The following SLC2A9 variants were observed in gnomAD, a reference collection of about 807,000 sequenced individuals.
SLC2A9 encodes solute carrier family 2, facilitated glucose transporter member 9.
In SLC2A9, 39 loss-of-function variants were observed where a neutral mutation model predicts 50.6. The ratio of observed to expected loss-of-function variants is 0.77; its 90% CI spans 0.60 to 1.01. The LOEUF (loss-of-function observed/expected upper bound fraction) is 1.01, where lower values mean the gene tolerates loss of function less well. Among genes scored for constraint, SLC2A9 ranks in the 50% least tolerant of loss-of-function variants. SLC2A9 has a pLI of 0.00. For missense variants in SLC2A9, 686 were observed against 677.6 expected, an observed-to-expected ratio of 1.01 and a Z score of -0.14; for synonymous variants, 324 against 276.9, an observed-to-expected ratio of 1.17 and a Z score of -1.69.
rs567918331 is a variant in SLC2A9 at position 9,791,491 on chromosome 4, T to C, written n.386-11426A>G. On this transcript the variant is annotated intron_variant and non_coding_transcript_variant, in intron 3 of 3. Coordinates refer to the SLC2A9 transcript ENST00000503803. ...TGATGAGATTCTGAACTTTAGTTGATGCTGAAGGGGGAGGAGATTTTTAGG... is the reference window on the plus strand; with the variant it reads ...TGATGAGATTCTGAACTTTAGTTGACGCTGAAGGGGGAGGAGATTTTTAGG... 3.8e-4 allele frequency among the ~76,000 whole-genome samples: 58 copies of C among 152,328 alleles called. No individual in the cohort carries two copies. In the South Asian group the frequency reaches 7.7e-3, roughly 20 times the overall value.
At chr4:10,023,164 G>A (rs995328188), upstream of SLC2A9, among the ~76,000 whole-genome samples, 1 of 152,216 alleles carries the variant, frequency 6.6e-6, no homozygotes, top group African/African-American at 2.4e-5. Context: ...GCTTCTGAGC[G>A]GACAGAGAAG....
intron 10 of SLC2A9, among the ~76,000 whole-genome samples, chr4:9,836,418 A>C (rs1727122134): frequency 6.6e-6 from 1 of 152,184 alleles, no homozygotes; most frequent in Admixed American, 6.5e-5. Flanking sequence ...GTGGAGAAGG[A>C]TGCTCTGGGG....
At chr4:9,880,470 A>C in intron 10 of SLC2A9, 2 of 985,432 alleles carry the variant, frequency 2.0e-6, no homozygotes, top group Non-Finnish European at 2.4e-6. Flanking sequence ...CATGTTCTAC[A>C]GTCAAAAGAA....
intron 7 of SLC2A9, among the ~76,000 whole-genome samples, chr4:9,919,629 A>T (rs1743536315): frequency 6.6e-6 from 1 of 152,098 alleles, no homozygotes; most frequent in African/African-American, 2.4e-5. Flanking sequence ...GTCTCCTCCC[A>T]AGTGACATGA....
intron 10 of SLC2A9, among the ~76,000 whole-genome samples, chr4:9,850,753 T>A (rs1729753494): frequency 6.6e-6 from 1 of 151,988 alleles, no homozygotes; most frequent in Non-Finnish European, 1.5e-5. Context: ...GCACTGTGAG[T>A]GGACCTTGCC....
intron 1 of SLC2A9, among the ~76,000 whole-genome samples, chr4:9,774,049 C>G (rs1717192555): frequency 1.4e-5 from 2 of 145,426 alleles, no homozygotes; most frequent in Non-Finnish European, 3.0e-5. Flanking sequence ...GGCTGGAGTG[C>G]AGTGGTGCGA....
At chr4:9,970,511 C>G (rs1753728597) in intron 5 of SLC2A9, among the ~76,000 whole-genome samples, 2 of 152,086 alleles carry the variant, frequency 1.3e-5, no homozygotes, top group African/African-American at 4.8e-5. Context: ...CAGTTTCTGT[C>G]TGGGTGGGGA....
At position 9,956,666 on chromosome 4, in the gene SLC2A9, A is replaced by G. The variant is rs368354959; in HGVS notation, c.682-14621T>C. ...AATATGAATGTCTCAGGCTTTCCTTAAAGGGTTTTCTAGGGCTAGCATTTC... is the reference window on the plus strand; with the variant it reads ...AATATGAATGTCTCAGGCTTTCCTTGAAGGGTTTTCTAGGGCTAGCATTTC... On this transcript the variant is annotated intron_variant, in intron 5 of 11. Transcript: ENST00000264784. Among the ~76,000 whole-genome samples the G allele has an allele frequency of 3.3e-5, 5 of 152,180 alleles. No individual in the cohort carries two copies. The East Asian group carries it at 7.7e-4, about 24-fold the overall frequency.
chr4:9,913,932 A>C (rs1291292315), intron 7 of SLC2A9, among the ~76,000 whole-genome samples: 1 of 152,220 alleles, frequency 6.6e-6, no homozygotes, highest in Non-Finnish European at 1.5e-5. Flanking sequence ...TCTGAATTTC[A>C]GAGAAGAAGG....
In SLC2A9 at chr4:9,887,553, G is replaced by A; in HGVS notation, c.1291+14C>T. The A allele has an allele frequency of 6.4e-7, 1 of 1,553,350 alleles. No individual in the cohort carries two copies. The highest frequency in any genetic ancestry group is 1.4e-5 in the African/African-American group (1 of 73,174). On this transcript the variant is annotated intron_variant, in intron 10 of 11. Transcript: ENST00000264784. ...GTCCCTGGGCGGGGCAGTGGGGAGG[G>A]TGGGGTGCCTTACCTGGCCCACTGC...
exon 2 of SLC2A9, chr4:9,771,271 C>A (rs1303044953): frequency 2.6e-6 from 1 of 384,200 alleles, no homozygotes; most frequent in Non-Finnish European, 4.6e-6. Context: ...GGTTTCATAT[C>A]TGGAGTGTGA....
chr4:10,020,271 G>C (rs1426072936), intron 1 of SLC2A9, among the ~76,000 whole-genome samples: 1 of 152,110 alleles, frequency 6.6e-6, no homozygotes, highest in Admixed American at 6.5e-5. Context: ...GGGGCTTTGA[G>C]CCAAGTGATA....
chr4:9,798,216 C>T (rs538876303), downstream of SLC2A9, among the ~76,000 whole-genome samples: 2 of 152,256 alleles, frequency 1.3e-5, no homozygotes, highest in East Asian at 1.9e-4. Context: ...TGATGGAATG[C>T]CATTGTCTTA....
intron 5 of SLC2A9, among the ~76,000 whole-genome samples, chr4:9,970,958 C>G (rs1232836914): frequency 2.6e-5 from 4 of 152,060 alleles, no homozygotes; most frequent in African/African-American, 4.8e-5. Flanking sequence ...TGTTCTGTTT[C>G]ACTCTGACCA....
chr4:9,836,362 T>A (rs1472267536), intron 10 of SLC2A9, among the ~76,000 whole-genome samples: 3 of 151,636 alleles, frequency 2.0e-5, no homozygotes, highest in African/African-American at 7.3e-5. Flanking sequence ...AAATACAAAA[T>A]GTGATAAGCA....
At chr4:9,886,458 GTGTGTGTGTGTGTGTGC>G (rs1294195696) in intron 10 of SLC2A9, among the ~76,000 whole-genome samples, 9 of 143,354 alleles carry the variant, frequency 6.3e-5, no homozygotes, top group African/African-American at 2.4e-4. Context: ...GTGTGTGTGT[GTGTGTGTGTGTGTGTGC>G]TGTGTGCATG....
chr4:9,893,409 G>A (rs1467290576), intron 8 of SLC2A9, among the ~76,000 whole-genome samples: 2 of 152,010 alleles, frequency 1.3e-5, no homozygotes, highest in African/African-American at 4.8e-5. Context: ...GGGGGAGGGC[G>A]GGGAGGGCAG....
chr4:9,910,429 C>G (rs1741511707), intron 7 of SLC2A9, among the ~76,000 whole-genome samples: 1 of 152,190 alleles, frequency 6.6e-6, no homozygotes, highest in South Asian at 2.1e-4. Context: ...ACTATGATCC[C>G]CAGTGCACCG....
At chr4:10,026,445 G>A (rs909019506), upstream of SLC2A9, among the ~76,000 whole-genome samples, 3 of 152,096 alleles carry the variant, frequency 2.0e-5, no homozygotes, top group South Asian at 2.1e-4. Context: ...TAGCTACTGT[G>A]GGAAAAAGTT....
Sources: gnomAD v4.1 joint callset for allele counts (sites outside exome capture counted in the v4.1 genomes callset) on GRCh38, gnomAD v4.1.1 for gene constraint, MANE v1.5 for transcripts, NCBI Gene and HGNC (gene_info 2026-07-23, HGNC 2026-07-21) for gene names.